Variants in USP34 observed in about 807,000 individuals in gnomAD.
USP34 encodes the protein ubiquitin carboxyl-terminal hydrolase 34.
USP34 carries 70 observed loss-of-function variants against 460.3 expected under a neutral mutation model. That is an observed-to-expected ratio of 0.15 (90% confidence interval 0.13 to 0.19). The LOEUF (loss-of-function observed/expected upper bound fraction) is 0.19. USP34 is among the 10% of genes least tolerant of loss of function. The probability of loss-of-function intolerance (pLI) is 1.00; values close to 1 mark genes in which losing one functional copy is unlikely to be tolerated. For missense variants in USP34, 3,985 were observed against 4,236.2 expected, an observed-to-expected ratio of 0.94 and a Z score of 1.65; for synonymous variants, 1,647 against 1,405.3, an observed-to-expected ratio of 1.17 and a Z score of -3.85.
intron 1 of USP34, among the ~76,000 whole-genome samples, chr2:61,461,843 T>C (rs1157505344): frequency 6.6e-6 from 1 of 152,126 alleles, no homozygotes; most frequent in African/African-American, 2.4e-5. Context: ...GGGATGTAGA[T>C]AAAAGATTTA....
intron 1 of USP34, among the ~76,000 whole-genome samples, chr2:61,441,150 T>C (rs1694953997): frequency 6.6e-6 from 1 of 151,326 alleles, no homozygotes; most frequent in African/African-American, 2.4e-5. Flanking sequence ...AATTTTTTTT[T>C]TTTTTTGGAC....
intron 1 of USP34, among the ~76,000 whole-genome samples, chr2:61,424,352 G>T (rs149620427): frequency 6.6e-6 from 1 of 152,024 alleles, no homozygotes; most frequent in Non-Finnish European, 1.5e-5. Flanking sequence ...ATAACCTTAC[G>T]ACCACTGTCC....
At chr2:61,306,810 A>G (rs906896158) in intron 27 of USP34, among the ~76,000 whole-genome samples, 1 of 152,168 alleles carries the variant, frequency 6.6e-6, no homozygotes, top group African/African-American at 2.4e-5. Context: ...AAAAGTCAGG[A>G]AACAACAGCT....
At chr2:61,426,714 T>C (rs755656276) in intron 1 of USP34, among the ~76,000 whole-genome samples, 9 of 152,098 alleles carry the variant, frequency 5.9e-5, no homozygotes, top group Non-Finnish European at 1.0e-4. Context: ...TCAGCAAACA[T>C]GGGAGGTAGC....
At chr2:61,278,519 T>A in intron 39 of USP34, 76 bp from the exon 40 acceptor site, 1 of 1,149,216 alleles carries the variant, frequency 8.7e-7, no homozygotes, top group Non-Finnish European at 1.2e-6. Context: ...TTAAAATCAT[T>A]TCCTTATAGG....
At chr2:61,240,037 C>G (rs1388272284) in intron 53 of USP34, among the ~76,000 whole-genome samples, 1 of 150,356 alleles carries the variant, frequency 6.7e-6, no homozygotes, top group African/African-American at 2.4e-5. Context: ...AAGACTTGAT[C>G]CCAATATTAC....
intron 1 of USP34, among the ~76,000 whole-genome samples, chr2:61,470,319 G>GGGCGAAGGA (rs1285342458): frequency 3.9e-5 from 6 of 152,242 alleles, no homozygotes; most frequent in Middle Eastern, 3.4e-3. Flanking sequence ...CTTCCCGGCA[G>GGGCGAAGGA]GGCGAAGGAG....
intron 1 of USP34, among the ~76,000 whole-genome samples, chr2:61,440,680 G>C (rs1455563061): frequency 6.6e-6 from 1 of 151,618 alleles, no homozygotes; most frequent in Non-Finnish European, 1.5e-5. Context: ...ACCATACCCG[G>C]CTACTTTTTG....
rs1324544060 is a variant in USP34 at position 61,190,658 on chromosome 2, A to G, written c.9589T>C (p.Ser3197Pro). The change falls in exon 77 of 80, where the codon TCT becomes CCT. Residue 3197 changes from serine (S) to proline (P), a missense_variant and splice_region_variant. Around this residue, in one of 14 missense-constraint regions of USP34, gnomAD observed 506 missense variants for 439.0 expected, o/e 1.15. Coordinates refer to ENST00000398571, the MANE Select transcript of USP34 (RefSeq NM_014709.4). ...KLWTELCQTQ[S>P]AMSKNCIKLL... ...TTGATGCAGTTTTTTGACATAGCAG[A>G]CTAAAGTGGGGAGAAGATGGTTGAG... 2 of 1,612,502 alleles carry G rather than the reference A, an allele frequency of 1.2e-6. No individual in the cohort carries two copies. The highest frequency in any genetic ancestry group is 1.3e-5 in the African/African-American group (1 of 74,836).
chr2:61,455,180 G>C (rs1695400418), intron 1 of USP34, among the ~76,000 whole-genome samples: 1 of 150,854 alleles, frequency 6.6e-6, no homozygotes, highest in Admixed American at 6.6e-5. Context: ...CCACACCCCA[G>C]CCTTTTGTTT....
At chr2:61,335,232 A>C (rs1330731127) in intron 18 of USP34, among the ~76,000 whole-genome samples, 1 of 152,210 alleles carries the variant, frequency 6.6e-6, no homozygotes, top group African/African-American at 2.4e-5. Flanking sequence ...AAATTGTAGA[A>C]TTTCTCCTAT....
intron 21 of USP34, among the ~76,000 whole-genome samples, chr2:61,319,753 G>A (rs958154686): frequency 6.6e-6 from 1 of 152,132 alleles, no homozygotes; most frequent in East Asian, 1.9e-4. Flanking sequence ...GCTGAGACAG[G>A]AGAATTGCTT....
chr2:61,326,887 G>A (rs1691109172), intron 20 of USP34, among the ~76,000 whole-genome samples: 1 of 149,804 alleles, frequency 6.7e-6, no homozygotes, highest in Non-Finnish European at 1.5e-5. Flanking sequence ...GGGTTCAAGC[G>A]ATTCTCCTGC....
At chr2:61,322,912 T>C (rs550943920) in intron 21 of USP34, among the ~76,000 whole-genome samples, 2 of 152,182 alleles carry the variant, frequency 1.3e-5, no homozygotes, top group South Asian at 4.2e-4. Context: ...CAGAAGTATA[T>C]CCATAATTGG....
intron 44 of USP34, among the ~76,000 whole-genome samples, chr2:61,258,390 G>A (rs530257170): frequency 1.3e-5 from 2 of 152,246 alleles, no homozygotes; most frequent in East Asian, 1.9e-4. Context: ...AGATTTAACA[G>A]GTGAGAAAAG....
In USP34 at chr2:61,344,091, CAA is replaced by C. The variant is rs1027370325; in HGVS notation, c.2286-64_2286-63del. The C allele has an allele frequency of 6.7e-5, 98 of 1,459,278 alleles. 1 individual carries two copies. The Middle Eastern group carries it at 1.4e-3, about 20-fold the overall frequency. The allele number at this position is 1,459,278 out of a possible 1,614,324, so 90.4% of individuals were successfully genotyped here. On this transcript the variant is annotated intron_variant, in intron 15 of 79. Coordinates refer to ENST00000398571, the MANE Select transcript of USP34 (RefSeq NM_014709.4). ...GAATGTGAATCTAATTTGTGAACCA[CAA>C]AAAATACCTCTCTTAAACTTACAAA...
intron 62 of USP34, among the ~76,000 whole-genome samples, chr2:61,224,174 CT>C (rs1302096755): frequency 6.6e-6 from 1 of 152,140 alleles, no homozygotes; most frequent in Admixed American, 6.6e-5. Context: ...CAAATAAAGC[CT>C]TTTGCCATAA....
In USP34 at chr2:61,187,891, T is replaced by C. The variant is rs1486900339; in HGVS notation, c.*211A>G. ...TCTTAATTACATAAAACATATCCAT[T>C]ATCTGATTGCCCTTTAGGAAGTATA... On this transcript the variant is annotated 3_prime_UTR_variant, in exon 80 of 80. Transcript: ENST00000398571. 4.3e-6 allele frequency: 6 copies of C among 1,396,678 alleles called. No homozygotes were observed. Among genetic ancestry groups the C allele is most frequent in the African/African-American group, 1.5e-5 (1 of 68,692 alleles). The allele number at this position is 1,396,678 out of a possible 1,614,324, so 86.5% of individuals were successfully genotyped here.
At chr2:61,451,597 G>A (rs1183635500) in intron 1 of USP34, among the ~76,000 whole-genome samples, 2 of 151,506 alleles carry the variant, frequency 1.3e-5, no homozygotes, top group Admixed American at 6.6e-5. Context: ...CAGGAGAATC[G>A]TTTCAACCTG....
Sources: allele counts gnomAD v4.1 joint callset (sites outside exome capture counted in the v4.1 genomes callset), GRCh38; gene constraint gnomAD v4.1.1; regional missense constraint gnomAD v4.1.1; transcripts MANE v1.5; gene names NCBI Gene and HGNC (gene_info 2026-07-23, HGNC 2026-07-21).